Variants in CKMT2 observed in about 807,000 individuals in gnomAD.
The protein encoded by CKMT2 is creatine kinase, mitochondrial 2, also known as creatine kinase S-type, mitochondrial.
In CKMT2, 43 loss-of-function variants were observed where a neutral mutation model predicts 48.9. That is an observed-to-expected ratio of 0.88 (90% confidence interval 0.69 to 1.13). The LOEUF (loss-of-function observed/expected upper bound fraction) is 1.13, where lower values mean the gene tolerates loss of function less well. Ranked by LOEUF, CKMT2 falls within the 50% of genes most tolerant of loss-of-function variation. CKMT2 has a pLI of 0.00. For synonymous variants in CKMT2, 206 were observed against 213.0 expected (o/e 0.97, Z 0.29); for missense variants, 472 against 555.4 (o/e 0.85, Z 1.51).
chr5:81,247,218 C>T (rs1173560929), intron 1 of CKMT2, among the ~76,000 whole-genome samples: 2 of 152,142 alleles, frequency 1.3e-5, no homozygotes, highest in Non-Finnish European at 2.9e-5. Flanking sequence ...GAACTGAAAA[C>T]GTTAAAAAAG....
chr5:81,244,528 A>G (rs1210625177), intron 1 of CKMT2, among the ~76,000 whole-genome samples: 2 of 152,226 alleles, frequency 1.3e-5, no homozygotes, highest in Non-Finnish European at 2.9e-5. Flanking sequence ...CAGTTACACG[A>G]AATGAGGCAA....
intron 1 of CKMT2, chr5:81,250,597 CA>C (rs1756770767): frequency 2.0e-5 from 3 of 152,212 alleles, no homozygotes. Flanking sequence ...CAGCCTCTTT[CA>C]AAGGTCCTAC....
intron 5 of CKMT2, among the ~76,000 whole-genome samples, chr5:81,256,690 G>GT (rs1055301716): frequency 1.2e-4 from 19 of 152,334 alleles, no homozygotes; most frequent in Admixed American, 2.0e-4. Flanking sequence ...CACCTGAAGA[G>GT]TTTTTAAAAC....
At chr5:81,254,032 C>G (rs1257380510) in intron 3 of CKMT2, among the ~76,000 whole-genome samples, 1 of 152,194 alleles carries the variant, frequency 6.6e-6, no homozygotes, top group Admixed American at 6.5e-5. Context: ...CTTCTTGTAA[C>G]CCACAAGAGC....
At chr5:81,256,721 C>T (rs1218900570) in intron 5 of CKMT2, among the ~76,000 whole-genome samples, 194 bp from the exon 6 acceptor site, 1 of 152,206 alleles carries the variant, frequency 6.6e-6, no homozygotes, top group Non-Finnish European at 1.5e-5. Flanking sequence ...CCAGATCAGT[C>T]TATAACAACT....
At chr5:81,252,423 T>C in intron 2 of CKMT2, 2 of 478,982 alleles carry the variant, frequency 4.2e-6, no homozygotes, top group Admixed American at 3.4e-5. Flanking sequence ...AGCACCCAAT[T>C]TGATTTCTAT....
intron 1 of CKMT2, chr5:81,239,506 G>A (rs1007104157): frequency 6.6e-6 from 1 of 152,244 alleles, no homozygotes; most frequent in Non-Finnish European, 1.5e-5. Flanking sequence ...GGAGGAGTGG[G>A]GGCACGTGGC....
At chr5:81,256,822 T>C (rs1018914807) in intron 5 of CKMT2, 93 bp from the exon 6 acceptor site, 6 of 839,666 alleles carry the variant, frequency 7.1e-6, no homozygotes, top group Admixed American at 2.2e-5. Context: ...ACAGCAGCCA[T>C]GATAAGTGGG....
intron 3 of CKMT2, among the ~76,000 whole-genome samples, chr5:81,254,109 G>GATT (rs1203937788): frequency 1.3e-5 from 2 of 152,212 alleles, no homozygotes; most frequent in Non-Finnish European, 2.9e-5. Flanking sequence ...TGATGGCAGT[G>GATT]ATTTTGGCAG....
intron 5 of CKMT2, 138 bp downstream of exon 5, chr5:81,255,352 G>C: frequency 1.4e-6 from 1 of 709,004 alleles, no homozygotes; most frequent in South Asian, 1.6e-5. Flanking sequence ...CTCAGCCCAA[G>C]AGCATCTACT....
intron 5 of CKMT2, among the ~76,000 whole-genome samples, chr5:81,256,627 G>C (rs2112813496): frequency 6.6e-6 from 1 of 152,320 alleles, no homozygotes; most frequent in Non-Finnish European, 1.5e-5. Context: ...GTGATTTCAT[G>C]AGTTCCAAAT....
At chr5:81,262,695 T>C (rs1757265169) in intron 8 of CKMT2, among the ~76,000 whole-genome samples, 1 of 151,760 alleles carries the variant, frequency 6.6e-6, no homozygotes, top group Admixed American at 6.6e-5. Context: ...CTGGAGAAGA[T>C]GTGGAGAAAT....
chr5:81,239,927 C>T (rs1430102237), intron 1 of CKMT2, among the ~76,000 whole-genome samples: 4 of 152,194 alleles, frequency 2.6e-5, no homozygotes, highest in Non-Finnish European at 5.9e-5. Context: ...ATAACACGAG[C>T]ACACAGCGTT....
chr5:81,252,979 T>G, intron 3 of CKMT2, 86 bp downstream of exon 3: 3 of 1,435,898 alleles, frequency 2.1e-6, no homozygotes, highest in Non-Finnish European at 2.9e-6. Flanking sequence ...TTTTCTTCTC[T>G]ATGGGGCCAA....
chr5:81,263,683 A>C (rs1026655562), intron 9 of CKMT2, 67 bp downstream of exon 9: 54 of 1,487,310 alleles, frequency 3.6e-5, no homozygotes, highest in Non-Finnish European at 4.7e-5. Context: ...AGAGAAAAGC[A>C]AACAGCCTAG....
At chr5:81,263,105 C>T (rs1757277922) in intron 8 of CKMT2, among the ~76,000 whole-genome samples, 1 of 145,762 alleles carries the variant, frequency 6.9e-6, no homozygotes, top group Non-Finnish European at 1.5e-5. Flanking sequence ...TGTTCTCACT[C>T]ATAAGTGGGA....
At chr5:81,256,790 G>GCTAAGAACC (rs1292263629) in intron 5 of CKMT2, 125 bp from the exon 6 acceptor site, 30 of 619,748 alleles carry the variant, frequency 4.8e-5, no homozygotes, top group African/African-American at 4.6e-4. Context: ...GGCAGCCAAA[G>GCTAAGAACC]CTAAGAACCA....
chr5:81,251,635 A>T (rs1756819387), intron 2 of CKMT2, among the ~76,000 whole-genome samples: 1 of 152,196 alleles, frequency 6.6e-6, no homozygotes, highest in African/African-American at 2.4e-5. Context: ...TTCAAAGACC[A>T]GCAAGAAATA....
At chr5:81,259,328 C>CCAGG in intron 8 of CKMT2, 74 bp downstream of exon 8, 1 of 1,324,046 alleles carries the variant, frequency 7.6e-7, no homozygotes, top group Non-Finnish European at 1.0e-6. Context: ...AGGAAGAAAA[C>CCAGG]ATCACTGCCC....
Sources: gnomAD v4.1 joint callset for allele counts (sites outside exome capture counted in the v4.1 genomes callset) on GRCh38, gnomAD v4.1.1 for gene constraint, MANE v1.5 for transcripts, NCBI Gene and HGNC (gene_info 2026-07-23, HGNC 2026-07-21) for gene names.